Variants in ASAP1 observed in about 807,000 individuals in gnomAD.
The protein encoded by ASAP1 is ArfGAP with SH3 domain, ankyrin repeat and PH domain 1, also known as arf-GAP with SH3 domain, ANK repeat and PH domain-containing protein 1.
ASAP1 carries 43 observed loss-of-function variants against 145.2 expected under a neutral mutation model. That is an observed-to-expected ratio of 0.30 (90% CI 0.23 to 0.38). The LOEUF (loss-of-function observed/expected upper bound fraction) is 0.38, where lower values mean the gene tolerates loss of function less well. Among genes scored for constraint, ASAP1 ranks in the 10% least tolerant of loss-of-function variants. The probability of loss-of-function intolerance (pLI) is 1.00; values close to 1 mark genes in which losing one functional copy is unlikely to be tolerated. For missense variants in ASAP1, 1,018 were observed against 1,355.3 expected (o/e 0.75, Z 3.91); for synonymous variants, 546 against 515.5 (o/e 1.06, Z -0.80).
At chr8:130,437,139 CGAT>C (rs1314080118) in intron 1 of ASAP1, among the ~76,000 whole-genome samples, 3 of 151,618 alleles carry the variant, frequency 2.0e-5, no homozygotes, top group African/African-American at 7.3e-5. Context: ...AATTAAAACT[CGAT>C]GAAAAAAGTT....
At chr8:130,388,212 TGCTGAA>T (rs1306362152) in intron 2 of ASAP1, among the ~76,000 whole-genome samples, 1 of 152,200 alleles carries the variant, frequency 6.6e-6, no homozygotes, top group Non-Finnish European at 1.5e-5. Context: ...GAGGCCAATG[TGCTGAA>T]GCCTCTTGGG....
intron 3 of ASAP1, among the ~76,000 whole-genome samples, chr8:130,250,095 T>C (rs1819100069): frequency 6.6e-6 from 1 of 152,154 alleles, no homozygotes; most frequent in Admixed American, 6.5e-5. Context: ...AAGATTTCCA[T>C]GCAATTAAAA....
At chr8:130,265,829 T>A (rs905443588) in intron 3 of ASAP1, among the ~76,000 whole-genome samples, 1 of 152,154 alleles carries the variant, frequency 6.6e-6, no homozygotes, top group Non-Finnish European at 1.5e-5. Context: ...GAGCCAAGAC[T>A]GCGCCACTGT....
intron 29 of ASAP1, among the ~76,000 whole-genome samples, chr8:130,057,638 C>T (rs371730109): frequency 6.6e-6 from 1 of 152,238 alleles, no homozygotes; most frequent in Non-Finnish European, 1.5e-5. Context: ...TTAGTAGACA[C>T]GGGGTTTCAC....
intron 25 of ASAP1, among the ~76,000 whole-genome samples, chr8:130,085,269 A>G (rs2097490100): frequency 6.6e-6 from 1 of 152,208 alleles, no homozygotes; most frequent in South Asian, 2.1e-4. Flanking sequence ...TTAGGGTCAA[A>G]TCCGTGGCCC....
chr8:130,237,523 A>G (rs1818286223), intron 3 of ASAP1, among the ~76,000 whole-genome samples: 1 of 152,116 alleles, frequency 6.6e-6, no homozygotes, highest in Admixed American at 6.6e-5. Flanking sequence ...TAGTTATGAC[A>G]TATGGCAGTT....
rs1295449404 is a variant in ASAP1 at position 130,076,379 on chromosome 8, G to A, written c.2670C>T (p.Gly890=). 6.2e-7 allele frequency: 1 copy of A among 1,612,076 alleles called. No individual in the cohort carries two copies. Among genetic ancestry groups the A allele is most frequent in the Non-Finnish European group, 8.5e-7 (1 of 1,179,238 alleles). Residue 890 remains glycine (G), a synonymous_variant, in exon 27 of 30, where the codon GGC becomes GGT. Transcript: ENST00000518721. Reference sequence around the variant, plus strand: ...GAGGTAGTTTAGGAAGAACTCTTGGGCCAAGGGCAGTCTTTGCAGAACTGG... The same window carrying A: ...GAGGTAGTTTAGGAAGAACTCTTGGACCAAGGGCAGTCTTTGCAGAACTGG... ...SSTSSAKTAL[G]PRVLPKLPQK... is the part of the protein sequence containing the mutation.
At chr8:130,300,683 G>C (rs1331536303) in intron 3 of ASAP1, among the ~76,000 whole-genome samples, 2 of 152,176 alleles carry the variant, frequency 1.3e-5, no homozygotes, top group South Asian at 2.1e-4. Flanking sequence ...AACTGGATTG[G>C]GAGATCAGAA....
chr8:130,116,564 G>T, intron 22 of ASAP1, 114 bp downstream of exon 22: 2 of 877,210 alleles, frequency 2.3e-6, no homozygotes, highest in Non-Finnish European at 1.8e-6. Context: ...ATTTTCTTTA[G>T]CAAGTGTTAA....
At chr8:130,339,168 C>A (rs573934606) in intron 3 of ASAP1, among the ~76,000 whole-genome samples, 1 of 152,336 alleles carries the variant, frequency 6.6e-6, no homozygotes, top group East Asian at 1.9e-4. Context: ...AGACACGAAT[C>A]ATCTCACCTG....
chr8:130,281,839 G>C (rs1472974272), intron 3 of ASAP1, among the ~76,000 whole-genome samples: 4 of 152,164 alleles, frequency 2.6e-5, no homozygotes, highest in Admixed American at 2.6e-4. Context: ...AAACAAGGCA[G>C]GCAGATCACG....
At chr8:130,064,970 G>C (rs1361662699) in intron 27 of ASAP1, among the ~76,000 whole-genome samples, 2 of 150,002 alleles carry the variant, frequency 1.3e-5, no homozygotes, top group South Asian at 2.1e-4. Flanking sequence ...GGTCTCCCAG[G>C]CTCAAGCTAT....
At chr8:130,302,747 T>C (rs1374016001) in intron 3 of ASAP1, among the ~76,000 whole-genome samples, 1 of 152,202 alleles carries the variant, frequency 6.6e-6, no homozygotes, top group Non-Finnish European at 1.5e-5. Flanking sequence ...CTTTTGGTTC[T>C]GGGGCTAGGA....
chr8:130,260,751 C>T (rs1424185568), intron 3 of ASAP1, among the ~76,000 whole-genome samples: 1 of 152,056 alleles, frequency 6.6e-6, no homozygotes, highest in Admixed American at 6.6e-5. Context: ...CTCTATGTGC[C>T]GAACCACTTG....
At chr8:130,107,180 CTTCTTTTTT>C (rs1295176321) in intron 24 of ASAP1, among the ~76,000 whole-genome samples, 17 of 113,862 alleles carry the variant, frequency 1.5e-4, no homozygotes, top group Non-Finnish European at 2.1e-4. Flanking sequence ...CTCTCTTCTT[CTTCTTTTTT>C]TTTTTTTTTT....
chr8:130,088,290 C>A (rs1014267665), intron 25 of ASAP1, among the ~76,000 whole-genome samples: 20 of 151,980 alleles, frequency 1.3e-4, no homozygotes, highest in Middle Eastern at 3.2e-3. Flanking sequence ...GCCACCATGC[C>A]CAGCTAATTT....
chr8:130,115,077 T>G (rs1319399646), intron 23 of ASAP1, among the ~76,000 whole-genome samples: 4 of 152,220 alleles, frequency 2.6e-5, no homozygotes. Context: ...TAATTTTATG[T>G]GTCAACAGGC....
At chr8:130,197,476 C>T (rs73427307) in intron 5 of ASAP1, among the ~76,000 whole-genome samples, 3 of 152,182 alleles carry the variant, frequency 2.0e-5, no homozygotes, top group Non-Finnish European at 2.9e-5. Context: ...AGAACTGACA[C>T]CAATGAAGCT....
chr8:130,354,141 C>T (rs1273084891), intron 3 of ASAP1, among the ~76,000 whole-genome samples: 4 of 152,212 alleles, frequency 2.6e-5, no homozygotes, highest in South Asian at 4.1e-4. Flanking sequence ...CTGCCCACCT[C>T]GGCCTCCCAA....
Sources: gnomAD v4.1 joint callset for allele counts (sites outside exome capture counted in the v4.1 genomes callset) on GRCh38, gnomAD v4.1.1 for gene constraint, MANE v1.5 for transcripts, NCBI Gene and HGNC (gene_info 2026-07-23, HGNC 2026-07-21) for gene names.